Variants in KLF12 observed in about 807,000 individuals in gnomAD.
KLF12 encodes the protein KLF transcription factor 12, also known as Krueppel-like factor 12.
A neutral mutation model predicts 37.8 loss-of-function variants in KLF12; 9 were observed. That is an observed-to-expected ratio of 0.24 (90% CI 0.14 to 0.42). KLF12 has a LOEUF of 0.42. Ranked by LOEUF, KLF12 falls within the 10% of genes least tolerant of loss-of-function variation. KLF12 has a pLI of 1.00. For synonymous variants in KLF12, 208 were observed against 202.1 expected (o/e 1.03, Z -0.25); for missense variants, 411 against 516.0 (o/e 0.80, Z 1.97).
At chr13:73,769,070 T>C (rs899640601) in intron 5 of KLF12, among the ~76,000 whole-genome samples, 1 of 152,234 alleles carries the variant, frequency 6.6e-6, no homozygotes, top group Non-Finnish European at 1.5e-5. Flanking sequence ...ATATGAAGCA[T>C]GTGGGTACTT....
chr13:73,831,028 A>ACACACACACACG (rs34914331), intron 4 of KLF12, among the ~76,000 whole-genome samples: 93 of 148,220 alleles, frequency 6.3e-4, no homozygotes, highest in Middle Eastern at 3.5e-3. Flanking sequence ...ACACACACGC[A>ACACACACACACG]TACTTATTTT....
chr13:74,053,818 G>A (rs981480119), intron 1 of KLF12, among the ~76,000 whole-genome samples: 1 of 152,112 alleles, frequency 6.6e-6, no homozygotes, highest in Non-Finnish European at 1.5e-5. Flanking sequence ...GGAGAATGAG[G>A]TGGAGGGAAA....
chr13:74,271,181 C>T, the KLF12 span, among the ~76,000 whole-genome samples: 5 of 152,178 alleles, frequency 3.3e-5, no homozygotes, highest in African/African-American at 1.2e-4. Flanking sequence ...GGAACAGTTT[C>T]ATCCCGAAAC....
At chr13:74,092,136 A>G (rs1171420341) in intron 1 of KLF12, among the ~76,000 whole-genome samples, 1 of 151,704 alleles carries the variant, frequency 6.6e-6, no homozygotes, top group Non-Finnish European at 1.5e-5. Flanking sequence ...AAAAATACCA[A>G]AAAAGAAAAA....
intron 1 of KLF12, among the ~76,000 whole-genome samples, chr13:74,089,869 C>T (rs2138811252): frequency 6.7e-6 from 1 of 149,798 alleles, no homozygotes; most frequent in African/African-American, 2.4e-5. Flanking sequence ...AGATGCTTTA[C>T]CCCTAAGATG....
In KLF12 at chr13:74,106,084, C is replaced by T. The variant is rs80040112; in HGVS notation, c.-32+27655G>A. Among the ~76,000 whole-genome samples, 1,143 of 152,288 alleles carry T rather than the reference C, an allele frequency of 7.5e-3. 17 individuals are homozygous for T. The highest frequency in any genetic ancestry group is 0.026 in the African/African-American group (1,092 of 41,574). ...GGAATTCAAGGCTATTTATAAAGCA[C>T]TGTGACTGTCCTCAAGACACTCTCA... On this transcript the variant is annotated intron_variant, in intron 1 of 7. Coordinates refer to ENST00000377669, the MANE Select transcript of KLF12 (RefSeq NM_007249.5).
At chr13:74,072,364 A>AATATAT (rs773653636) in intron 1 of KLF12, among the ~76,000 whole-genome samples, 4,779 of 62,230 alleles carry the variant, frequency 0.077, 256 homozygotes, top group Non-Finnish European at 0.089. Flanking sequence ...AAGAAATACA[A>AATATAT]ATATATATAT....
intron 5 of KLF12, chr13:73,802,157 G>T (rs540356840): frequency 6.6e-6 from 1 of 151,928 alleles, no homozygotes; most frequent in Admixed American, 6.6e-5. Context: ...CCATAGAAAT[G>T]GAGACAGAAA....
At chr13:74,140,642 G>GTGGGGAACACTGTTCTGTAGA in the KLF12 span, among the ~76,000 whole-genome samples, 9 of 152,354 alleles carry the variant, frequency 5.9e-5, no homozygotes, top group Admixed American at 1.3e-4. Flanking sequence ...GGTGAATAAA[G>GTGGGGAACACTGTTCTGTAGA]ATTGAACTCT....
chr13:74,208,887 G>A, the KLF12 span, among the ~76,000 whole-genome samples: 1 of 152,062 alleles, frequency 6.6e-6, no homozygotes, highest in Non-Finnish European at 1.5e-5. Flanking sequence ...TTGGGAATGG[G>A]AATTGTGGAC....
At chr13:73,843,515 G>A (rs929070716) in intron 4 of KLF12, among the ~76,000 whole-genome samples, 1 of 151,952 alleles carries the variant, frequency 6.6e-6, no homozygotes, top group East Asian at 1.9e-4. Context: ...CAAAATGTTG[G>A]CCAGGCTGGT....
At chr13:73,742,005 C>A (rs1018142686) in intron 6 of KLF12, among the ~76,000 whole-genome samples, 1 of 126,056 alleles carries the variant, frequency 7.9e-6, no homozygotes, top group African/African-American at 2.7e-5. Context: ...CAGTCACTCA[C>A]GTTGACCTTT....
chr13:74,005,870 T>C (rs990687579), intron 1 of KLF12, among the ~76,000 whole-genome samples: 4 of 152,210 alleles, frequency 2.6e-5, no homozygotes, highest in Non-Finnish European at 5.9e-5. Flanking sequence ...AATTACAACA[T>C]GCTTCAGTCT....
the KLF12 span, among the ~76,000 whole-genome samples, chr13:74,275,807 C>CTTTCTTTCCTTCT: frequency 4.0e-5 from 2 of 50,316 alleles, no homozygotes; most frequent in African/African-American, 1.6e-4. Context: ...TCTTTCTTTC[C>CTTTCTTTCCTTCT]TTCTTTCTTT....
chr13:73,686,639 C>T lies in KLF12; in HGVS notation c.*8851G>A, dbSNP rs1873512215. 6.6e-6 allele frequency: 1 copy of T among 152,414 alleles called. No individual in the cohort carries two copies. Among genetic ancestry groups the T allele is most frequent in the African/African-American group, 2.4e-5 (1 of 41,446 alleles). 9.4% of individuals were successfully genotyped at this position (152,414 alleles called of 1,614,324 possible). On this transcript the variant is annotated 3_prime_UTR_variant, in exon 8 of 8. Coordinates refer to ENST00000377669, the MANE Select transcript of KLF12 (RefSeq NM_007249.5). ...TTTGCTTGCCAGCATCACTGGGGGGCTTTATCCTTTAATGTGTAGGACCTC... is the reference window on the plus strand; with the variant it reads ...TTTGCTTGCCAGCATCACTGGGGGGTTTTATCCTTTAATGTGTAGGACCTC...
chr13:73,740,416 G>A (rs1271153918), intron 6 of KLF12, among the ~76,000 whole-genome samples: 1 of 152,220 alleles, frequency 6.6e-6, no homozygotes. Context: ...TTTTGTTACA[G>A]TAGTTGAAAA....
intron 3 of KLF12, among the ~76,000 whole-genome samples, chr13:73,858,133 T>A (rs1174515455): frequency 6.6e-6 from 1 of 152,194 alleles, no homozygotes; most frequent in East Asian, 1.9e-4. Context: ...TTGCTACTTT[T>A]AAAATTTTAA....
intron 1 of KLF12, among the ~76,000 whole-genome samples, chr13:74,116,093 A>C (rs1877287464): frequency 6.6e-6 from 1 of 152,204 alleles, no homozygotes; most frequent in African/African-American, 2.4e-5. Flanking sequence ...AGATAAACCC[A>C]AAAATGAGGA....
chr13:73,857,659 C>T (rs1009241864), intron 3 of KLF12, among the ~76,000 whole-genome samples: 6 of 152,070 alleles, frequency 3.9e-5, no homozygotes, highest in African/African-American at 4.8e-5. Context: ...TATATGGATG[C>T]GTAACTTTGT....
Sources: gnomAD v4.1 joint callset for allele counts (sites outside exome capture counted in the v4.1 genomes callset) on GRCh38, gnomAD v4.1.1 for gene constraint, MANE v1.5 for transcripts, NCBI Gene and HGNC (gene_info 2026-07-23, HGNC 2026-07-21) for gene names.